Variants in IFT43 observed in about 807,000 individuals in gnomAD.
IFT43 encodes the protein intraflagellar transport 43, also known as intraflagellar transport protein 43 homolog.
A neutral mutation model predicts 32.3 loss-of-function variants in IFT43; 33 were observed. The observed-to-expected ratio is 1.02, with a 90% CI of 0.77 to 1.37. The LOEUF (loss-of-function observed/expected upper bound fraction) is 1.37, where lower values mean the gene tolerates loss of function less well. IFT43 is among the 40% of genes most tolerant of loss of function. The probability of loss-of-function intolerance (pLI) is 0.00; values close to 1 mark genes in which losing one functional copy is unlikely to be tolerated. For synonymous variants in IFT43, 93 were observed against 98.2 expected, an observed-to-expected ratio of 0.95 and a Z score of 0.31; for missense variants, 274 against 265.9, an observed-to-expected ratio of 1.03 and a Z score of -0.21.
At chr14:76,043,792 G>A (rs2036752476) in intron 3 of IFT43, among the ~76,000 whole-genome samples, 1 of 152,164 alleles carries the variant, frequency 6.6e-6, no homozygotes, top group Non-Finnish European at 1.5e-5. Flanking sequence ...ACTCAATTCT[G>A]ACGCTATCTG....
At chr14:76,028,969 A>G (rs971567329) in intron 3 of IFT43, among the ~76,000 whole-genome samples, 9 of 152,166 alleles carry the variant, frequency 5.9e-5, no homozygotes, top group African/African-American at 2.2e-4. Flanking sequence ...TCCTTTGGGT[A>G]TGTATATACC....
chr14:76,082,437 A>G, intron 6 of IFT43, 70 bp downstream of exon 6: 2 of 1,169,634 alleles, frequency 1.7e-6, no homozygotes, highest in South Asian at 2.4e-5. Flanking sequence ...TATCATCTAT[A>G]GTGGACCTTG....
intron 3 of IFT43, chr14:76,038,294 C>T (rs987589805): frequency 1.3e-5 from 2 of 152,174 alleles, no homozygotes; most frequent in African/African-American, 4.8e-5. Flanking sequence ...GTCTCTATTT[C>T]TGTGGTTTTT....
intron 5 of IFT43, among the ~76,000 whole-genome samples, chr14:76,069,851 C>T (rs1293022011): frequency 6.6e-6 from 1 of 152,180 alleles, no homozygotes; most frequent in Non-Finnish European, 1.5e-5. Context: ...CTCTCAGGCA[C>T]CTGGGCATGC....
intron 5 of IFT43, among the ~76,000 whole-genome samples, chr14:76,064,043 G>C (rs1017076302): frequency 1.3e-5 from 2 of 152,066 alleles, no homozygotes; most frequent in Non-Finnish European, 2.9e-5. Flanking sequence ...AATAAAGATG[G>C]AAGAGTCGTC....
intron 3 of IFT43, among the ~76,000 whole-genome samples, chr14:76,033,940 G>A (rs1192395388): frequency 6.6e-6 from 1 of 152,212 alleles, no homozygotes; most frequent in Non-Finnish European, 1.5e-5. Flanking sequence ...AGCGGAGATA[G>A]GAGTCAAGCT....
At chr14:76,074,728 A>G (rs140074579) in intron 5 of IFT43, among the ~76,000 whole-genome samples, 3 of 152,266 alleles carry the variant, frequency 2.0e-5, no homozygotes, top group Admixed American at 6.5e-5. Flanking sequence ...TGGGTAACAT[A>G]ATGAGGTCCA....
At chr14:76,059,130 A>G in intron 4 of IFT43, 197 bp from the exon 5 acceptor site, 1 of 1,491,292 alleles carries the variant, frequency 6.7e-7, no homozygotes, top group South Asian at 1.3e-5. Flanking sequence ...GTCCTCTGGA[A>G]TAGTGCATCG....
rs1187721834 is a variant in IFT43 at position 76,060,623 on chromosome 14, A to G, written c.295+1250A>G. Reference sequence around the variant, plus strand: ...TTTCTATCTGGCATCAGTTTCCTTCAGCCTGAAAAACTTTATCATTATTTT... The same window carrying G: ...TTTCTATCTGGCATCAGTTTCCTTCGGCCTGAAAAACTTTATCATTATTTT... On this transcript the variant is annotated intron_variant, in intron 5 of 8. Coordinates refer to ENST00000314067, the MANE Select transcript of IFT43 (RefSeq NM_001102564.3). 1.3e-5 allele frequency among the ~76,000 whole-genome samples: 2 copies of G among 151,816 alleles called. 1 individual carries two copies. The highest frequency in any genetic ancestry group is 2.9e-5 in the Non-Finnish European group (2 of 67,958).
At chr14:75,990,587 C>T (rs2035617998) in intron 2 of IFT43, among the ~76,000 whole-genome samples, 1 of 152,070 alleles carries the variant, frequency 6.6e-6, no homozygotes, top group African/African-American at 2.4e-5. Flanking sequence ...GATGTACTTA[C>T]ACATTAGAAG....
At chr14:75,994,689 G>A (rs2035709614) in intron 2 of IFT43, among the ~76,000 whole-genome samples, 1 of 152,210 alleles carries the variant, frequency 6.6e-6, no homozygotes, top group South Asian at 2.1e-4. Flanking sequence ...GTTCAGGTTG[G>A]AATTATAGGT....
intron 3 of IFT43, among the ~76,000 whole-genome samples, chr14:76,035,011 G>A (rs2036572792): frequency 6.6e-6 from 1 of 152,226 alleles, no homozygotes; most frequent in Admixed American, 6.5e-5. Context: ...CAAAGTGTCT[G>A]TTTTTGGGTT....
intron 7 of IFT43, 56 bp from the exon 8 acceptor site, chr14:76,083,171 G>T: frequency 6.2e-7 from 1 of 1,603,282 alleles, no homozygotes; most frequent in Non-Finnish European, 8.5e-7. Context: ...GTGAGAAAGA[G>T]TTGCCTGAAA....
chr14:75,985,897 C>CT, intron 1 of IFT43, 57 bp downstream of exon 1: 1 of 1,589,080 alleles, frequency 6.3e-7, no homozygotes, highest in Non-Finnish European at 8.6e-7. Flanking sequence ...GGAGGAGCGA[C>CT]CCCGCCGGCC....
intron 3 of IFT43, among the ~76,000 whole-genome samples, chr14:76,028,611 C>G (rs1016719244): frequency 6.6e-6 from 1 of 151,968 alleles, no homozygotes; most frequent in African/African-American, 2.4e-5. Flanking sequence ...TCAGTCCTCG[C>G]CCGCAACCCC....
chr14:76,078,706 A>G (rs1160655257), intron 5 of IFT43, among the ~76,000 whole-genome samples: 1 of 152,232 alleles, frequency 6.6e-6, no homozygotes, highest in Non-Finnish European at 1.5e-5. Flanking sequence ...GCTGGGGCAG[A>G]GAGCAGTGCG....
At chr14:75,987,467 TGGAAAGCACCCA>T (rs1306824103) in intron 1 of IFT43, among the ~76,000 whole-genome samples, 1 of 151,922 alleles carries the variant, frequency 6.6e-6, no homozygotes, top group African/African-American at 2.4e-5. Context: ...CAGGGTAGAG[TGGAAAGCACCCA>T]GGAAACCCAG....
chr14:76,022,250 C>T, intron 2 of IFT43, 77 bp from the exon 3 acceptor site: 2 of 1,370,492 alleles, frequency 1.5e-6, no homozygotes, highest in South Asian at 2.4e-5. Flanking sequence ...GATTTCATCT[C>T]AAAAAATAGA....
intron 3 of IFT43, among the ~76,000 whole-genome samples, chr14:76,025,921 A>G (rs968539947): frequency 6.6e-5 from 10 of 152,216 alleles, no homozygotes; most frequent in African/African-American, 2.4e-4. Context: ...ACCAAAAGCA[A>G]TCGTAACAAA....
Sources: allele counts gnomAD v4.1 joint callset (sites outside exome capture counted in the v4.1 genomes callset), GRCh38; gene constraint gnomAD v4.1.1; transcripts MANE v1.5; gene names NCBI Gene and HGNC (gene_info 2026-07-23, HGNC 2026-07-21).